PCDH11Y: variants seen among roughly 807,000 people sequenced by gnomAD.
The protein encoded by PCDH11Y is protocadherin 11 Y-linked.
For synonymous variants in PCDH11Y, 9 were observed against 83.6 expected, an observed-to-expected ratio of 0.11 and a Z score of 4.87; for missense variants, 12 against 224.8, an observed-to-expected ratio of 0.05 and a Z score of 6.05.
At chrY:5,626,189 C>T in intron 4 of PCDH11Y, among the ~76,000 whole-genome samples, 1 of 32,132 alleles carries the variant, frequency 3.1e-5, no homozygotes, top group African/African-American at 1.2e-4. Context: ...ATTTTCTGTG[C>T]ATTCAGGTGT....
intron 2 of PCDH11Y, among the ~76,000 whole-genome samples, chrY:5,145,796 G>C: frequency 8.9e-5 from 3 of 33,580 alleles, no homozygotes; most frequent in Non-Finnish European, 2.2e-4. Context: ...GAAGTCTAGA[G>C]TAGTTAAATG....
chrY:5,166,864 G>A, intron 2 of PCDH11Y, among the ~76,000 whole-genome samples: 2 of 32,081 alleles, frequency 6.2e-5, no homozygotes, highest in Admixed American at 2.9e-4. Context: ...GACAGTATAC[G>A]AAAAATCTCT....
chrY:5,576,524 G>A (rs2053446204), intron 3 of PCDH11Y, among the ~76,000 whole-genome samples: 38 of 33,177 alleles, frequency 1.1e-3, no homozygotes, highest in African/African-American at 4.1e-3. Context: ...ACCAAAAGGA[G>A]TTATTATGAT....
intron 2 of PCDH11Y, among the ~76,000 whole-genome samples, chrY:5,235,969 T>A: frequency 3.0e-5 from 1 of 33,562 alleles, no homozygotes; most frequent in Non-Finnish European, 7.4e-5. Context: ...AAAGTCACTA[T>A]TTTTATCCAA....
chrY:5,622,667 A>G (rs2053501540), intron 4 of PCDH11Y, among the ~76,000 whole-genome samples: 2 of 32,652 alleles, frequency 6.1e-5, no homozygotes, highest in Non-Finnish European at 1.5e-4. Flanking sequence ...ACGCCCATCA[A>G]TGATAAACTA....
chrY:5,342,850 G>A (rs2124669067), intron 2 of PCDH11Y, among the ~76,000 whole-genome samples: 1 of 29,912 alleles, frequency 3.3e-5, no homozygotes, highest in South Asian at 8.2e-4. Context: ...AAAAAAAGAT[G>A]CAACTAACAT....
At chrY:5,382,742 T>C (rs2053206470) in intron 2 of PCDH11Y, among the ~76,000 whole-genome samples, 1 of 33,674 alleles carries the variant, frequency 3.0e-5, no homozygotes, top group African/African-American at 1.2e-4. Context: ...TTTTAGAATT[T>C]TTTGTGTTAA....
intron 2 of PCDH11Y, chrY:5,207,823 T>C: frequency 7.8e-6 from 2 of 256,686 alleles, no homozygotes; most frequent in Non-Finnish European, 6.4e-6. Flanking sequence ...GTAATCTCGG[T>C]GCCTAGTGTA....
chrY:5,740,571 T>C, exon 5 of PCDH11Y: 1 of 33,314 alleles, frequency 3.0e-5, no homozygotes, highest in East Asian at 8.0e-4. Context: ...TTCTCCCCTA[T>C]GCCTTCTCTT....
intron 2 of PCDH11Y, among the ~76,000 whole-genome samples, chrY:5,185,330 C>T: frequency 3.0e-5 from 1 of 33,020 alleles, no homozygotes; most frequent in Non-Finnish European, 7.4e-5. Flanking sequence ...CCACCTGCCT[C>T]GGCCTCCCAA....
intron 4 of PCDH11Y, among the ~76,000 whole-genome samples, chrY:5,602,436 C>T: frequency 6.2e-5 from 2 of 32,433 alleles, no homozygotes; most frequent in African/African-American, 2.4e-4. Flanking sequence ...AGCTCTGAGC[C>T]GAAATGTTTG....
intron 2 of PCDH11Y, among the ~76,000 whole-genome samples, chrY:5,407,639 C>A (rs2053240026): frequency 3.1e-5 from 1 of 32,734 alleles, no homozygotes; most frequent in Non-Finnish European, 7.5e-5. Flanking sequence ...GTGGGCCAGG[C>A]ACGGTGGCTG....
chrY:5,105,942 A>T (rs2124637899), downstream of PCDH11Y, among the ~76,000 whole-genome samples: 4 of 33,075 alleles, frequency 1.2e-4, no homozygotes, highest in East Asian at 3.2e-3. Flanking sequence ...AACTTATTTA[A>T]ATAAGTCTGT....
At chrY:5,356,842 G>A (rs2124671060) in intron 2 of PCDH11Y, among the ~76,000 whole-genome samples, 1 of 21,859 alleles carries the variant, frequency 4.6e-5, no homozygotes, top group Admixed American at 4.8e-4. Flanking sequence ...CCAAGATTGC[G>A]CTATTGTACT....
At chrY:5,462,170 A>T in intron 2 of PCDH11Y, among the ~76,000 whole-genome samples, 1 of 32,984 alleles carries the variant, frequency 3.0e-5, no homozygotes, top group Non-Finnish European at 7.5e-5. Context: ...CTTTCTAATT[A>T]GGGTGATTTA....
intron 2 of PCDH11Y, among the ~76,000 whole-genome samples, chrY:5,390,586 T>C: frequency 3.0e-5 from 1 of 33,777 alleles, no homozygotes; most frequent in Admixed American, 2.8e-4. Context: ...ATTTAAATGC[T>C]TAAGGATGAC....
At chrY:5,187,972 T>A in intron 2 of PCDH11Y, among the ~76,000 whole-genome samples, 1 of 33,730 alleles carries the variant, frequency 3.0e-5, no homozygotes, top group Non-Finnish European at 7.4e-5. Context: ...ATTTACTACT[T>A]ACAGATTTCT....
chrY:5,704,157 T>C, intron 4 of PCDH11Y, among the ~76,000 whole-genome samples: 1 of 32,141 alleles, frequency 3.1e-5, no homozygotes, highest in African/African-American at 1.2e-4. Context: ...CAAAGTGCAG[T>C]CAGCACTGTA....
intron 2 of PCDH11Y, among the ~76,000 whole-genome samples, chrY:5,150,267 G>C (rs2052862985): frequency 3.1e-5 from 1 of 32,622 alleles, no homozygotes; most frequent in Non-Finnish European, 7.6e-5. Flanking sequence ...TCAGATCAGG[G>C]TCATTAGCAT....
Sources: gnomAD v4.1 joint callset for allele counts (sites outside exome capture counted in the v4.1 genomes callset) on GRCh38, gnomAD v4.1.1 for gene constraint, MANE v1.5 for transcripts, NCBI Gene and HGNC (gene_info 2026-07-23, HGNC 2026-07-21) for gene names.